The following FREM2 variants were observed in gnomAD, a reference collection of about 807,000 sequenced individuals.
FREM2 encodes the protein FRAS1-related extracellular matrix protein 2.
A neutral mutation model predicts 219.9 loss-of-function variants in FREM2; 119 were observed. The ratio of observed to expected loss-of-function variants is 0.54; its 90% CI spans 0.47 to 0.63. The LOEUF is 0.63. Ranked by LOEUF, FREM2 falls within the 30% of genes least tolerant of loss-of-function variation. The pLI is 0.00. For missense variants in FREM2, 4,030 were observed against 3,993.6 expected (o/e 1.01, Z -0.25); for synonymous variants, 1,562 against 1,522.8 (o/e 1.03, Z -0.60).
At chr13:38,795,969 C>T (rs1413076003) in intron 6 of FREM2, among the ~76,000 whole-genome samples, 3 of 151,924 alleles carry the variant, frequency 2.0e-5, no homozygotes, top group East Asian at 1.9e-4. Context: ...TGTGTATACA[C>T]GATAGTTTTC....
intron 16 of FREM2, among the ~76,000 whole-genome samples, chr13:38,867,449 A>AT (rs1222592617): frequency 6.6e-6 from 1 of 152,262 alleles, no homozygotes; most frequent in African/African-American, 2.4e-5. Context: ...TGGTAATACA[A>AT]TTTAATAAAA....
chr13:38,688,086 G>A lies in FREM2; in HGVS notation c.742G>A (p.Ala248Thr). The A allele has an allele frequency of 6.2e-7, 1 of 1,609,138 alleles. No individual in the cohort carries two copies. Among genetic ancestry groups the A allele is most frequent in the Non-Finnish European group, 8.5e-7 (1 of 1,176,252 alleles). ...QVPGGAREGG[A>T]PETLLMDCKA... is the part of the protein sequence containing the mutation. ...CCCTGGAGGAGCCAGAGAGGGAGGC[G>A]CCCCGGAGACTCTCCTGATGGACTG... The change falls in exon 1 of 24, where the codon GCC (alanine) becomes ACC (threonine). Residue 248 changes from alanine (A) to threonine (T), a missense_variant. Transcript: ENST00000280481.
intron 4 of FREM2, 70 bp downstream of exon 4, chr13:38,769,878 A>G (rs1405780866): frequency 2.7e-6 from 3 of 1,094,048 alleles, no homozygotes; most frequent in African/African-American, 3.1e-5. Flanking sequence ...TTGTAGGGGT[A>G]TAGCTTACAG....
At chr13:38,852,790 C>T (rs934464276) in intron 11 of FREM2, among the ~76,000 whole-genome samples, 2 of 151,178 alleles carry the variant, frequency 1.3e-5, no homozygotes, top group African/African-American at 4.9e-5. Context: ...CTGCAGTCTC[C>T]GTGTCTTAGG....
intron 4 of FREM2, chr13:38,779,504 G>A (rs191522285): frequency 1.3e-5 from 2 of 152,182 alleles, no homozygotes; most frequent in East Asian, 1.9e-4. Context: ...TCTGTGAAGC[G>A]TTTCGTATTT....
At chr13:38,773,414 G>A (rs992004239) in intron 4 of FREM2, among the ~76,000 whole-genome samples, 2 of 151,328 alleles carry the variant, frequency 1.3e-5, no homozygotes, top group Admixed American at 1.3e-4. Flanking sequence ...TTTTCGAGAC[G>A]GTATCTCACT....
At chr13:38,703,586 A>C (rs2138085776) in intron 2 of FREM2, among the ~76,000 whole-genome samples, 1 of 152,270 alleles carries the variant, frequency 6.6e-6, no homozygotes, top group South Asian at 2.1e-4. Flanking sequence ...CTGCCTTTAA[A>C]AGCATGATTC....
At chr13:38,778,936 A>G (rs1873992942) in intron 4 of FREM2, among the ~76,000 whole-genome samples, 2 of 152,188 alleles carry the variant, frequency 1.3e-5, no homozygotes, top group Non-Finnish European at 1.5e-5. Context: ...AACTCACTAA[A>G]ACTAATTGAA....
intron 2 of FREM2, among the ~76,000 whole-genome samples, chr13:38,749,383 A>G (rs966983364): frequency 1.3e-5 from 2 of 152,222 alleles, no homozygotes; most frequent in African/African-American, 4.8e-5. Flanking sequence ...TTATGTAAGA[A>G]GAGGAGGCAG....
At position 38,692,025 on chromosome 13, in the gene FREM2, A is replaced by G; in HGVS notation, c.4681A>G (p.Arg1561Gly). The G allele has an allele frequency of 1.2e-6, 2 of 1,614,256 alleles. No individual in the cohort carries two copies. The highest frequency in any genetic ancestry group is 1.1e-5 in the South Asian group (1 of 91,092). Reference protein sequence around the residue: ...ITPFELTVEDRDTPDKLLKFT... With the variant: ...ITPFELTVEDGDTPDKLLKFT... ...TCCTTTTGAGCTCACTGTCGAAGAC[A>G]GAGATACTCCTGACAAGCTCCTGAA... is the stretch of plus-strand genomic sequence containing the variant. Residue 1561 changes from arginine to glycine, a missense_variant, in exon 1 of 24, where the codon AGA becomes GGA. By Grantham distance (125) the Arg-to-Gly change is moderately radical (BLOSUM62 -2). Transcript: ENST00000280481.
At chr13:38,781,744 A>G (rs1381939130) in intron 4 of FREM2, among the ~76,000 whole-genome samples, 1 of 152,204 alleles carries the variant, frequency 6.6e-6, no homozygotes, top group Non-Finnish European at 1.5e-5. Context: ...TCACGTGACT[A>G]TTTTAGAAAG....
At position 38,859,431 on chromosome 13, in the gene FREM2, G is replaced by T. The variant is rs370435877; in HGVS notation, c.7360G>T (p.Asp2454Tyr). The stretch of plus-strand genomic sequence containing the variant: ...TGTGACCAGCCCTATGAGAGAAGTG[G>T]ACTTCGACACCTTTTTTACGTCATC... ...DGVTSPMREVDFDTFFTSSKM... is the reference protein window; with the variant it reads ...DGVTSPMREVYFDTFFTSSKM... The change falls in exon 14 of 24, where the codon GAC (aspartate) becomes TAC (tyrosine). Residue 2454 changes from aspartate to tyrosine, a missense_variant. Coordinates refer to ENST00000280481, the MANE Select transcript of FREM2 (RefSeq NM_207361.6). The T allele has an allele frequency of 6.2e-7, 1 of 1,614,020 alleles. No homozygotes were observed. The highest frequency in any genetic ancestry group is 8.5e-7 in the Non-Finnish European group (1 of 1,180,026).
In FREM2 at chr13:38,850,493, T is replaced by C. The variant is rs1409495398; in HGVS notation, c.6577+258T>C. On this transcript the variant is annotated intron_variant, in intron 9 of 23. Coordinates refer to ENST00000280481, the MANE Select transcript of FREM2 (RefSeq NM_207361.6). ...ATTCAGTGGACAAAAGCATATCAAA[T>C]GTACAGATTTTACAATGCTAGGAAT... 3.9e-5 allele frequency among the ~76,000 whole-genome samples: 6 copies of C among 152,316 alleles called. No individual in the cohort carries two copies. The East Asian group carries it at 7.7e-4, about 20-fold the overall frequency.
intron 2 of FREM2, among the ~76,000 whole-genome samples, chr13:38,746,198 CTG>C (rs1335561878): frequency 2.0e-5 from 3 of 152,144 alleles, no homozygotes; most frequent in South Asian, 2.1e-4. Context: ...GGCTCGATAA[CTG>C]TGAACTCTTT....
chr13:38,862,523 G>A (rs1168195840), intron 15 of FREM2, among the ~76,000 whole-genome samples: 1 of 152,168 alleles, frequency 6.6e-6, no homozygotes, highest in Non-Finnish European at 1.5e-5. Flanking sequence ...TTGGCTTTGC[G>A]TTTTCTGAAT....
chr13:38,722,668 G>A (rs757258372), intron 2 of FREM2, among the ~76,000 whole-genome samples: 45 of 151,596 alleles, frequency 3.0e-4, no homozygotes, highest in Non-Finnish European at 3.4e-4. Context: ...TTACGTTGGA[G>A]GCATATTTTG....
intron 2 of FREM2, among the ~76,000 whole-genome samples, chr13:38,719,438 T>C (rs1871137516): frequency 6.6e-6 from 1 of 152,054 alleles, no homozygotes. Context: ...CCAGGCTGGT[T>C]CCGAACCCCT....
intron 4 of FREM2, among the ~76,000 whole-genome samples, chr13:38,773,318 C>T (rs1038399309): frequency 2.0e-5 from 3 of 152,024 alleles, no homozygotes; most frequent in Admixed American, 6.6e-5. Flanking sequence ...CATGGCTCTG[C>T]GATCAATAGA....
At chr13:38,870,236 T>G (rs527929579) in intron 16 of FREM2, among the ~76,000 whole-genome samples, 2 of 152,210 alleles carry the variant, frequency 1.3e-5, no homozygotes, top group Non-Finnish European at 2.9e-5. Context: ...CTCTTTTATA[T>G]GTAAGCCACT....
Sources: allele counts gnomAD v4.1 joint callset (sites outside exome capture counted in the v4.1 genomes callset), GRCh38; gene constraint gnomAD v4.1.1; transcripts MANE v1.5; gene names NCBI Gene and HGNC (gene_info 2026-07-23, HGNC 2026-07-21).